Variants in GCC2 observed in about 807,000 individuals in gnomAD.
The protein encoded by GCC2 is GRIP and coiled-coil domain-containing protein 2.
In GCC2, 120 loss-of-function variants were observed where a neutral mutation model predicts 210.6. That is an observed-to-expected ratio of 0.57 (90% CI 0.49 to 0.66). GCC2 has a LOEUF of 0.66. Ranked by LOEUF, GCC2 falls within the 30% of genes least tolerant of loss-of-function variation. The probability of loss-of-function intolerance (pLI) is 0.00; values close to 1 mark genes in which losing one functional copy is unlikely to be tolerated. For synonymous variants in GCC2, 703 were observed against 652.7 expected, an observed-to-expected ratio of 1.08 and a Z score of -1.17; for missense variants, 1,868 against 1,871.9, an observed-to-expected ratio of 1.00 and a Z score of 0.04.
chr2:108,497,978 G>A (rs1245829718), intron 21 of GCC2, among the ~76,000 whole-genome samples: 1 of 152,002 alleles, frequency 6.6e-6, no homozygotes, highest in South Asian at 2.1e-4. Context: ...CACTGTGCAA[G>A]GCCACTAGCT....
At chr2:108,506,968 G>A (rs1683223519) in intron 22 of GCC2, among the ~76,000 whole-genome samples, 2 of 152,122 alleles carry the variant, frequency 1.3e-5, no homozygotes, top group Admixed American at 1.3e-4. Context: ...GCCATTTAAA[G>A]GTTAAGTTCT....
intron 22 of GCC2, among the ~76,000 whole-genome samples, chr2:108,502,848 G>A (rs144231725): frequency 0.036 from 5,502 of 151,598 alleles, 153 homozygotes; most frequent in Middle Eastern, 0.082. Flanking sequence ...GCTTGAACCC[G>A]GGAGGCAGAG....
chr2:108,501,995 A>G (rs1299705360), intron 22 of GCC2, among the ~76,000 whole-genome samples: 1 of 152,330 alleles, frequency 6.6e-6, no homozygotes. Context: ...ATAAGAATAC[A>G]TCATGTGTAT....
chr2:108,450,352 C>T (rs1242033989), intron 2 of GCC2, among the ~76,000 whole-genome samples: 1 of 152,156 alleles, frequency 6.6e-6, no homozygotes, highest in Non-Finnish European at 1.5e-5. Context: ...CGTAAATTTT[C>T]TTGTGACCAA....
At chr2:108,466,597 C>T (rs746187318) in intron 4 of GCC2, among the ~76,000 whole-genome samples, 7 of 151,926 alleles carry the variant, frequency 4.6e-5, no homozygotes, top group Non-Finnish European at 7.4e-5. Flanking sequence ...CTCAGCCTCC[C>T]GAGTAGCTGG....
chr2:108,449,405 C>T, intron 1 of GCC2, 125 bp downstream of exon 1: 1 of 1,433,794 alleles, frequency 7.0e-7, no homozygotes, highest in South Asian at 1.4e-5. Context: ...GCGCTGCTGT[C>T]GCCTCCCCAT....
Position 108,471,770 on chromosome 2 carries a change from A to G in GCC2, c.2441A>G (p.Glu814Gly), listed in dbSNP as rs1479248738. The part of the protein sequence containing the change: ...RDEKVLELEK[E>G]IKCLQEESVV... The stretch of plus-strand genomic sequence containing the variant: ...GAAAAAGTATTAGAGTTAGAAAAAG[A>G]GATTAAGTGCCTTCAAGAAGAGAGT... Residue 814 changes from glutamate to glycine, a missense_variant, in exon 6 of 23, where the codon GAG (glutamate) becomes GGG (glycine). By Grantham distance (98) the Glu-to-Gly change is moderately conservative (BLOSUM62 -2). Transcript: ENST00000309863. The G allele has an allele frequency of 1.9e-6, 3 of 1,613,332 alleles. No individual in the cohort carries two copies. Among genetic ancestry groups the G allele is most frequent in the African/African-American group, 2.7e-5 (2 of 75,008 alleles).
chr2:108,507,879 C>T lies in GCC2; in HGVS notation c.*249C>T. On this transcript the variant is annotated 3_prime_UTR_variant, in exon 23 of 23. Coordinates refer to ENST00000309863, the MANE Select transcript of GCC2 (RefSeq NM_181453.4). ...CCCATGCATGCTGCCAGAATAAAACCACCAGGAATGAATTCACTCCCCACT... is the reference window on the plus strand; with the variant it reads ...CCCATGCATGCTGCCAGAATAAAACTACCAGGAATGAATTCACTCCCCACT... 1 of 345,438 alleles carries T rather than the reference C, an allele frequency of 2.9e-6. No homozygotes were observed. Among genetic ancestry groups the T allele is most frequent in the Non-Finnish European group, 5.5e-6 (1 of 180,558 alleles). 21.4% of individuals were successfully genotyped at this position (345,438 alleles called of 1,614,324 possible). A position where few individuals can be genotyped will look rare whatever the true frequency, so the allele number is the denominator to read the frequency against.
chr2:108,468,134 TC>T (rs1186298723), intron 4 of GCC2, among the ~76,000 whole-genome samples: 4 of 152,004 alleles, frequency 2.6e-5, no homozygotes, highest in African/African-American at 9.7e-5. Context: ...TGATCTTGGC[TC>T]GCTGCAACCC....
intron 19 of GCC2, chr2:108,493,387 C>T (rs761446751): frequency 5.1e-5 from 49 of 967,424 alleles, no homozygotes; most frequent in East Asian, 4.6e-4. Context: ...TGCGCCTGGC[C>T]GACACATGTC....
chr2:108,492,939 G>A, intron 19 of GCC2, 149 bp downstream of exon 19: 1 of 659,470 alleles, frequency 1.5e-6, no homozygotes, highest in Non-Finnish European at 2.7e-6. Context: ...TTGCTTACTA[G>A]AAAGATAATT....
intron 17 of GCC2, among the ~76,000 whole-genome samples, chr2:108,489,047 A>G (rs1244249973): frequency 6.6e-6 from 1 of 152,210 alleles, no homozygotes; most frequent in African/African-American, 2.4e-5. Flanking sequence ...TATAATATAA[A>G]TACGTTTTTT....
rs971063717 is a variant in GCC2, at chr2:108,461,658, A to G, written c.217-7322A>G. Among the ~76,000 whole-genome samples, 15 of 151,280 alleles carry G rather than the reference A, an allele frequency of 9.9e-5. No homozygotes were observed. In the South Asian group the frequency reaches 3.1e-3, roughly 32 times the overall value. On this transcript the variant is annotated intron_variant, in intron 4 of 22. Transcript: ENST00000309863. ...GCTGGGATTACAGCCATCTGCCACC[A>G]TGCCCAGCTAATTTTTTGTATTTTT...
chr2:108,470,081 A>T lies in GCC2; in HGVS notation c.752A>T (p.Glu251Val). 6.2e-7 allele frequency: 1 copy of T among 1,613,634 alleles called. No homozygotes were observed. The highest frequency in any genetic ancestry group is 1.1e-5 in the South Asian group (1 of 91,066). Residue 251 changes from glutamate to valine, a missense_variant, in exon 6 of 23, where the codon GAG becomes GTG. Glu to Val is a moderately radical substitution (Grantham distance 121). Transcript: ENST00000309863. ...CAGTTGAAAGCTATACACCAAGAAG[A>T]GGTGAAAGAGTTGATGTGCCAGATT... ...LLQLKAIHQE[E>V]VKELMCQIEA...
At position 108,495,272 on chromosome 2, in the gene GCC2, T is replaced by A. The variant is rs1161249352; in HGVS notation, c.4448-19T>A. On this transcript the variant is annotated intron_variant, in intron 19 of 22. Coordinates refer to ENST00000309863, the MANE Select transcript of GCC2 (RefSeq NM_181453.4). ...ATTTTGAACAATCTCACACTTAACC[T>A]TTTAAAAAAATCTAATAGGCCCAGT... 5.1e-6 allele frequency: 8 copies of A among 1,557,402 alleles called. No individual in the cohort carries two copies. Among genetic ancestry groups the A allele is most frequent in the Non-Finnish European group, 6.1e-6 (7 of 1,151,226 alleles).
At chr2:108,492,531 A>G (rs1292643464) in intron 18 of GCC2, 42 bp from the exon 19 acceptor site, 5 of 1,317,344 alleles carry the variant, frequency 3.8e-6, no homozygotes, top group South Asian at 2.4e-5. Context: ...GTCAGCATAT[A>G]AAGTTGAAAG....
rs1205071225 is a variant in GCC2, at chr2:108,472,094, G to A, written c.2765G>A (p.Arg922Lys). 1 of 1,548,926 alleles carries A rather than the reference G, an allele frequency of 6.5e-7. No homozygotes were observed. Among genetic ancestry groups the A allele is most frequent in the Non-Finnish European group, 8.6e-7 (1 of 1,156,190 alleles). Residue 922 changes from arginine to lysine, a missense_variant, in exon 6 of 23, where the codon AGA (arginine) becomes AAA (lysine). By Grantham distance (26) the Arg-to-Lys change is conservative. Around this residue, in one of 3 missense-constraint regions of GCC2, gnomAD observed 1,847 missense variants for 1,765.2 expected, o/e 1.05. Coordinates refer to ENST00000309863, the MANE Select transcript of GCC2 (RefSeq NM_181453.4). ...LLEQKELRDRRAELILLKDSL... is the reference protein window; with the variant it reads ...LLEQKELRDRKAELILLKDSL... ...GAACAAAAAGAATTACGAGATAGGA[G>A]AGCAGAGTTGATACTATTAAAGGTA...
At chr2:108,455,151 A>C (rs2104409855) in intron 4 of GCC2, among the ~76,000 whole-genome samples, 1 of 152,276 alleles carries the variant, frequency 6.6e-6, no homozygotes, top group East Asian at 1.9e-4. Flanking sequence ...CAAGATTAGA[A>C]AATTTCAGCC....
At chr2:108,506,627 T>C (rs1683200422) in intron 22 of GCC2, among the ~76,000 whole-genome samples, 1 of 152,222 alleles carries the variant, frequency 6.6e-6, no homozygotes, top group African/African-American at 2.4e-5. Context: ...TGATTAAAAC[T>C]TTGGTTTTTG....
Sources: gnomAD v4.1 joint callset for allele counts (sites outside exome capture counted in the v4.1 genomes callset) on GRCh38, gnomAD v4.1.1 for gene constraint, gnomAD v4.1.1 regional missense constraint, MANE v1.5 for transcripts, NCBI Gene and HGNC (gene_info 2026-07-23, HGNC 2026-07-21) for gene names.